The following NRXN2 variants were observed in gnomAD, a reference collection of about 807,000 sequenced individuals.
NRXN2 encodes the protein neurexin-2-beta.
Under a neutral mutation model 128.8 loss-of-function variants are expected in NRXN2, and 29 were observed. The ratio of observed to expected loss-of-function variants is 0.23; its 90% CI spans 0.17 to 0.31. The LOEUF (loss-of-function observed/expected upper bound fraction) is 0.31. NRXN2 is among the 10% of genes least tolerant of loss of function. NRXN2 has a pLI of 1.00. For synonymous variants in NRXN2, 1,098 were observed against 1,075.2 expected (o/e 1.02, Z -0.41); for missense variants, 1,881 against 2,452.6 (o/e 0.77, Z 4.92).
chr11:64,677,055 G>A lies in NRXN2; in HGVS notation c.1153-18C>T, dbSNP rs746137152. 1.3e-6 allele frequency: 2 copies of A among 1,486,268 alleles called. No homozygotes were observed. Among genetic ancestry groups the A allele is most frequent in the East Asian group, 2.9e-5 (1 of 34,286 alleles). 92.1% of individuals were successfully genotyped at this position (1,486,268 alleles called of 1,614,324 possible). A position where few individuals can be genotyped will look rare whatever the true frequency, so the allele number is the denominator to read the frequency against. ...CCTGCGTGCTTCACCGGAGATATGGGGGGATGGGGAGGAGGGGGGTGTCAA... is the reference window on the plus strand; with the variant it reads ...CCTGCGTGCTTCACCGGAGATATGGAGGGATGGGGAGGAGGGGGGTGTCAA... On this transcript the variant is annotated intron_variant, in intron 6 of 22. Transcript: ENST00000265459.
chr11:64,698,081 G>A (rs1231338682), intron 2 of NRXN2, among the ~76,000 whole-genome samples: 2 of 152,178 alleles, frequency 1.3e-5, no homozygotes, highest in African/African-American at 4.8e-5. Flanking sequence ...CCAGGACAGG[G>A]AAGTAACCAC....
intron 3 of NRXN2, among the ~76,000 whole-genome samples, chr11:64,696,600 G>A (rs2135600560): frequency 6.6e-6 from 1 of 150,874 alleles, no homozygotes; most frequent in Middle Eastern, 3.4e-3. Flanking sequence ...AGGACCCCCA[G>A]GGAAAAGAGA....
intron 6 of NRXN2, among the ~76,000 whole-genome samples, chr11:64,679,769 T>C (rs1355369052): frequency 1.3e-5 from 2 of 152,278 alleles, no homozygotes; most frequent in East Asian, 1.9e-4. Context: ...GGGGCCCCTC[T>C]AGACCTAGGG....
chr11:64,707,446 A>G (rs2135653195), intron 2 of NRXN2, among the ~76,000 whole-genome samples: 1 of 152,080 alleles, frequency 6.6e-6, no homozygotes, highest in South Asian at 2.1e-4. Context: ...TCATGGGCCT[A>G]GGGAGTAGAG....
rs146513984 is a variant in NRXN2 at position 64,692,447 on chromosome 11, A to C, written c.778+400T>G. Reference sequence around the variant, plus strand: ...TACTTAGGTCCATAGAAAAGAAAGAATGATCAGAATGAGTGGAAGGAAATC... The same window carrying C: ...TACTTAGGTCCATAGAAAAGAAAGACTGATCAGAATGAGTGGAAGGAAATC... On this transcript the variant is annotated intron_variant, in intron 4 of 22. Transcript: ENST00000265459. Among the ~76,000 whole-genome samples the C allele has an allele frequency of 6.2e-3, 949 of 152,324 alleles. 7 individuals carry two copies. The highest frequency in any genetic ancestry group is 0.022 in the African/African-American group (901 of 41,572).
intron 11 of NRXN2, among the ~76,000 whole-genome samples, chr11:64,654,422 G>A (rs562062846): frequency 7.9e-5 from 12 of 152,316 alleles, no homozygotes; most frequent in African/African-American, 2.6e-4. Flanking sequence ...GAGGAGCCAA[G>A]GCCTCACAGA....
At chr11:64,722,346 C>A in intron 1 of NRXN2, among the ~76,000 whole-genome samples, 1 of 151,396 alleles carries the variant, frequency 6.6e-6, no homozygotes, top group East Asian at 2.0e-4. Flanking sequence ...CCCCATCTTT[C>A]CCAGCTCTCC....
intron 22 of NRXN2, among the ~76,000 whole-genome samples, chr11:64,619,718 C>T (rs372226228): frequency 8.5e-5 from 13 of 152,200 alleles, no homozygotes; most frequent in Admixed American, 3.9e-4. Flanking sequence ...AGCACACTAT[C>T]GGATTCAGAG....
In NRXN2 at chr11:64,622,130, C is replaced by A. The variant is rs2042437577; in HGVS notation, c.4173+623G>T. ...CGCACAGACGGAGAGGACACTGAAG[C>A]TGCCTGAGTTGTGGTGCCTGCTCAT... On this transcript the variant is annotated intron_variant, in intron 21 of 22. Transcript: ENST00000265459. The surrounding 1 kb of genome is among the most constrained non-coding windows in gnomAD (Gnocchi z 4.3). 6.6e-6 allele frequency among the ~76,000 whole-genome samples: 1 copy of A among 152,226 alleles called. No homozygotes were observed. The highest frequency in any genetic ancestry group is 2.1e-4 in the South Asian group (1 of 4,826).
At position 64,631,619 on chromosome 11, in the gene NRXN2, C is replaced by A. The variant is rs1170088274; in HGVS notation, c.3586-1046G>T. ...GAGGCTCAGCATAGTTAAATAACATCTCAAAATCTTGCAGCTCATGAGAAG... is the reference window on the plus strand; with the variant it reads ...GAGGCTCAGCATAGTTAAATAACATATCAAAATCTTGCAGCTCATGAGAAG... On this transcript the variant is annotated intron_variant, in intron 18 of 22. Transcript: ENST00000265459. The surrounding 1 kb of genome is among the most constrained non-coding windows in gnomAD (Gnocchi z 4.8). Among the ~76,000 whole-genome samples, 1 of 152,160 alleles carries A rather than the reference C, an allele frequency of 6.6e-6. No homozygotes were observed. Among genetic ancestry groups the A allele is most frequent in the Non-Finnish European group, 1.5e-5 (1 of 68,024 alleles).
chr11:64,702,862 C>T (rs1291944593), intron 2 of NRXN2, among the ~76,000 whole-genome samples: 2 of 146,218 alleles, frequency 1.4e-5, no homozygotes, highest in Non-Finnish European at 3.0e-5. Flanking sequence ...TGGTGGTGTG[C>T]GCCTGTAGTC....
chr11:64,718,583 G>A (rs534219307), intron 1 of NRXN2, among the ~76,000 whole-genome samples: 1 of 152,208 alleles, frequency 6.6e-6, no homozygotes, highest in Admixed American at 6.5e-5. Flanking sequence ...GCTGCCTCGG[G>A]GGGTGGTGAG....
intron 17 of NRXN2, among the ~76,000 whole-genome samples, chr11:64,641,413 A>T (rs2045648914): frequency 6.6e-6 from 1 of 152,116 alleles, no homozygotes; most frequent in South Asian, 2.1e-4. Flanking sequence ...AGAAGTCCTG[A>T]GATGGAACGT....
At chr11:64,657,037 G>C (rs1487078015) in intron 11 of NRXN2, among the ~76,000 whole-genome samples, 1 of 152,210 alleles carries the variant, frequency 6.6e-6, no homozygotes, top group African/African-American at 2.4e-5. Flanking sequence ...AATCCACTGA[G>C]TGCCTGTGGA....
rs1487227327 is a variant in NRXN2, at chr11:64,642,668, C to CCAGCAGCAA, written c.3403+5542_3403+5550dup. ...GAGACCCGGGCCCCCTCGGCCGCCC[C>CCAGCAGCAA]CAGCAGCAACAGCAGCAACAGCGGC... On this transcript the variant is annotated intron_variant, in intron 17 of 22. Coordinates refer to ENST00000265459, the MANE Select transcript of NRXN2 (RefSeq NM_015080.4). The CCAGCAGCAA allele has an allele frequency of 1.1e-5, 17 of 1,574,012 alleles. No individual in the cohort carries two copies. In the African/African-American group the frequency reaches 1.1e-4, roughly 10 times the overall value.
intron 4 of NRXN2, 102 bp from the exon 5 acceptor site, chr11:64,690,578 T>G: frequency 9.6e-7 from 1 of 1,046,580 alleles, no homozygotes; most frequent in Non-Finnish European, 1.5e-6. Flanking sequence ...AGGTGCTGCT[T>G]GCACGGACAG....
chr11:64,687,759 C>T (rs574008612), intron 5 of NRXN2, among the ~76,000 whole-genome samples: 24 of 152,130 alleles, frequency 1.6e-4, no homozygotes, highest in Non-Finnish European at 1.5e-5. Flanking sequence ...AAGGGATGAG[C>T]GCGGCTATCT....
intron 2 of NRXN2, among the ~76,000 whole-genome samples, chr11:64,704,932 T>A (rs536387568): frequency 6.6e-6 from 1 of 152,332 alleles, no homozygotes; most frequent in South Asian, 2.1e-4. Flanking sequence ...TGAAGAGATT[T>A]CCATCTAAAA....
intron 2 of NRXN2, among the ~76,000 whole-genome samples, chr11:64,701,182 G>T (rs2135621544): frequency 6.6e-6 from 1 of 152,206 alleles, no homozygotes; most frequent in South Asian, 2.1e-4. Context: ...CAACAAAGTG[G>T]TCCACTCCAA....
Sources: allele counts gnomAD v4.1 joint callset (sites outside exome capture counted in the v4.1 genomes callset), GRCh38; gene constraint gnomAD v4.1.1; non-coding constraint Gnocchi (gnomAD v3.1); transcripts MANE v1.5; gene names NCBI Gene and HGNC (gene_info 2026-07-23, HGNC 2026-07-21).